CHDH: variants seen among roughly 807,000 people sequenced by gnomAD.
CHDH encodes choline dehydrogenase.
Under a neutral mutation model 56.9 loss-of-function variants are expected in CHDH, and 43 were observed. The ratio of observed to expected loss-of-function variants is 0.76; its 90% CI spans 0.59 to 0.97. The LOEUF (loss-of-function observed/expected upper bound fraction) is 0.97. CHDH is among the 50% of genes least tolerant of loss of function. The pLI is 0.00. For synonymous variants in CHDH, 364 were observed against 348.5 expected (o/e 1.04, Z -0.50); for missense variants, 816 against 821.1 (o/e 0.99, Z 0.08).
At chr3:53,840,566 C>T (rs1477286294) in intron 2 of CHDH, among the ~76,000 whole-genome samples, 1 of 152,018 alleles carries the variant, frequency 6.6e-6, no homozygotes, top group Admixed American at 6.6e-5. Flanking sequence ...TACAATCACC[C>T]TAGGGATTAG....
chr3:53,817,933 G>A lies in CHDH; in HGVS notation c.1629C>T (p.Val543=), dbSNP rs758050811. The A allele has an allele frequency of 1.2e-5, 19 of 1,614,098 alleles. No homozygotes were observed. The highest frequency in any genetic ancestry group is 6.6e-5 in the South Asian group (6 of 91,096). ...CCATGCTAGGCATGATGGAGGCATCGACGACCCTGAGGTTTTCCACCCCGA... is the reference window on the plus strand; with the variant it reads ...CCATGCTAGGCATGATGGAGGCATCAACGACCCTGAGGTTTTCCACCCCGA... ...RVLGVENLRV[V]DASIMPSMVS... Residue 543 remains valine, a synonymous_variant, in exon 9 of 9, where the codon GTC becomes GTT. Coordinates refer to ENST00000315251, the MANE Select transcript of CHDH (RefSeq NM_018397.5).
At chr3:53,839,250 T>C (rs1212508169) in intron 2 of CHDH, among the ~76,000 whole-genome samples, 2 of 152,230 alleles carry the variant, frequency 1.3e-5, no homozygotes, top group Non-Finnish European at 2.9e-5. Context: ...AACCTGAATC[T>C]GATCACACTT....
rs756331675 is a variant in CHDH at position 53,820,603 on chromosome 3, C to A, written c.991G>T (p.Gly331Cys). 5.6e-6 allele frequency: 9 copies of A among 1,609,562 alleles called. No homozygotes were observed. Among genetic ancestry groups the A allele is most frequent in the Non-Finnish European group, 6.8e-6 (8 of 1,178,030 alleles). ...IPVVCHLPGV[G>C]QNLQDHLEIY... Reference sequence around the variant, plus strand: ...TCCAGGTGGTCTTGCAGGTTCTGGCCAACCCCTGATACGGGAAGGAGTGGT... The same window carrying A: ...TCCAGGTGGTCTTGCAGGTTCTGGCAAACCCCTGATACGGGAAGGAGTGGT... Residue 331 changes from glycine (G) to cysteine (C), a missense_variant, in exon 6 of 9, where the codon GGC becomes TGC. Gly to Cys is a radical substitution (Grantham distance 159). Transcript: ENST00000315251.
In CHDH at chr3:53,840,921, A is replaced by G. The variant is rs1052372345; in HGVS notation, c.-60+8T>C. ...ATCTTTTTGAAATCTCAGTTAAAAA[A>G]TACCCACCTCACATCCAGAAGTGAC... On this transcript the variant is annotated splice_region_variant and intron_variant, in intron 2 of 8. Transcript: ENST00000315251. 2 of 152,200 alleles carry G rather than the reference A, an allele frequency of 1.3e-5. No homozygotes were observed. Among genetic ancestry groups the G allele is most frequent in the Admixed American group, 1.3e-4 (2 of 15,280 alleles). 9.4% of individuals were successfully genotyped at this position (152,200 alleles called of 1,614,324 possible).
intron 2 of CHDH, among the ~76,000 whole-genome samples, chr3:53,826,623 T>G (rs1035073011): frequency 6.7e-6 from 1 of 149,564 alleles, no homozygotes; most frequent in East Asian, 2.0e-4. Flanking sequence ...GTAAAGAATA[T>G]CTACAAAAAC....
intron 1 of CHDH, 68 bp downstream of exon 1, chr3:53,846,015 G>A (rs1483170328): frequency 6.6e-6 from 1 of 152,264 alleles, no homozygotes; most frequent in South Asian, 2.1e-4. Flanking sequence ...CCGGCCCCCA[G>A]GCCTCTCCGG....
intron 5 of CHDH, 38 bp downstream of exon 5, chr3:53,821,609 G>A: frequency 6.3e-7 from 1 of 1,595,496 alleles, no homozygotes. Context: ...TTGTTGAGCA[G>A]AGACAGCCTC....
Position 53,846,410 on chromosome 3 carries a change from A to T in CHDH, c.-458T>A. 1 of 586,586 alleles carries T rather than the reference A, an allele frequency of 1.7e-6. No homozygotes were observed. Among genetic ancestry groups the T allele is most frequent in the Non-Finnish European group, 2.8e-6 (1 of 359,698 alleles). The allele number at this position is 586,586 out of a possible 1,614,324, so 36.3% of individuals were successfully genotyped here. A position where few individuals can be genotyped will look rare whatever the true frequency, so the allele number is the denominator to read the frequency against. ...GACACGGCCCATCCCTCCGAGCCCC[A>T]GCAGGCGAGGGCGCTGCGACCTGCC... On this transcript the variant is annotated 5_prime_UTR_variant, in exon 1 of 9. Coordinates refer to ENST00000315251, the MANE Select transcript of CHDH (RefSeq NM_018397.5).
At position 53,834,728 on chromosome 3, in the gene CHDH, G is replaced by A. The variant is rs114291628; in HGVS notation, c.-60+6201C>T. On this transcript the variant is annotated intron_variant, in intron 2 of 8. Coordinates refer to ENST00000315251, the MANE Select transcript of CHDH (RefSeq NM_018397.5). Reference sequence around the variant, plus strand: ...AGGAAGCTTCCTGAAAGGGCCCTTCGCACAGGCCTCCCAGCAGCACTTTCT... The same window carrying A: ...AGGAAGCTTCCTGAAAGGGCCCTTCACACAGGCCTCCCAGCAGCACTTTCT... Among the ~76,000 whole-genome samples, 1,069 of 152,294 alleles carry A rather than the reference G, an allele frequency of 7.0e-3. 16 individuals carry two copies. The highest frequency in any genetic ancestry group is 0.025 in the African/African-American group (1,046 of 41,544).
chr3:53,839,093 G>A (rs2106984108), intron 2 of CHDH, among the ~76,000 whole-genome samples: 1 of 152,318 alleles, frequency 6.6e-6, no homozygotes, highest in African/African-American at 2.4e-5. Flanking sequence ...AGGAGAAAAA[G>A]ATATGGGCGA....
At position 53,833,385 on chromosome 3, in the gene CHDH, T is replaced by A. The variant is rs149488595; in HGVS notation, c.-60+7544A>T. ...GAGGGGCCTGCTACCCAAAGGGAAC[T>A]CCTTGAGGACAGGGACTCCTAAGCT... On this transcript the variant is annotated intron_variant, in intron 2 of 8. Transcript: ENST00000315251. 6.6e-3 allele frequency among the ~76,000 whole-genome samples: 1,007 copies of A among 152,294 alleles called. 13 individuals are homozygous for A. The highest frequency in any genetic ancestry group is 0.023 in the African/African-American group (964 of 41,570).
At position 53,822,534 on chromosome 3, in the gene CHDH, C is replaced by G. The variant is rs199725115; in HGVS notation, c.812G>C (p.Arg271Pro). 1.4e-5 allele frequency: 23 copies of G among 1,613,522 alleles called. No homozygotes were observed. The highest frequency in any genetic ancestry group is 2.7e-5 in the African/African-American group (2 of 74,942). ...CTTGACATACTCCACGCCCACTGCA[C>G]GGGTGCCCTCAAATAGCACCCTGCT... is the stretch of plus-strand genomic sequence containing the variant. ...LVSRVLFEGT[R>P]AVGVEYVKNG... Residue 271 changes from arginine (R) to proline (P), a missense_variant, in exon 4 of 9, where the codon CGT becomes CCT. Arg to Pro is a moderately radical substitution (Grantham distance 103). Coordinates refer to ENST00000315251, the MANE Select transcript of CHDH (RefSeq NM_018397.5).
chr3:53,842,268 A>G (rs1698694799), intron 1 of CHDH, among the ~76,000 whole-genome samples: 2 of 152,176 alleles, frequency 1.3e-5, no homozygotes, highest in Admixed American at 6.5e-5. Flanking sequence ...TCCTCCATAA[A>G]GTGTGGAATG....
intron 2 of CHDH, among the ~76,000 whole-genome samples, chr3:53,837,349 C>T (rs1698527279): frequency 6.6e-6 from 1 of 152,224 alleles, no homozygotes; most frequent in South Asian, 2.1e-4. Flanking sequence ...ACCACTTGGC[C>T]CCTTGTGCCC....
At chr3:53,842,726 T>C (rs955929464) in intron 1 of CHDH, among the ~76,000 whole-genome samples, 4 of 152,192 alleles carry the variant, frequency 2.6e-5, no homozygotes, top group Non-Finnish European at 5.9e-5. Flanking sequence ...AAATGTGTTT[T>C]GTAGCCCTGC....
chr3:53,822,779 G>T, intron 3 of CHDH, 137 bp from the exon 4 acceptor site: 1 of 1,172,062 alleles, frequency 8.5e-7, no homozygotes, highest in Middle Eastern at 3.0e-4. Context: ...AAGCTGAGAC[G>T]GAAAGACCCT....
intron 2 of CHDH, among the ~76,000 whole-genome samples, chr3:53,831,157 C>A (rs920002526): frequency 6.6e-6 from 1 of 152,270 alleles, no homozygotes; most frequent in East Asian, 1.9e-4. Flanking sequence ...CTGTGGTGGT[C>A]GCCATGGTGT....
At position 53,813,129 on chromosome 3, in the gene CHDH, A is replaced by ATTTTTTTTTTTTTTTTTTTTTTTTTTTTT. The variant is rs59630779; in HGVS notation, c.*4647_*4648insAAAAAAAAAAAAAAAAAAAAAAAAAAAAA. The ATTTTTTTTTTTTTTTTTTTTTTTTTTTTT allele has an allele frequency of 8.5e-6, 1 of 118,120 alleles. No homozygotes were observed. The allele number at this position is 118,120 out of a possible 1,614,324, so 7.3% of individuals were successfully genotyped here. ...TTAATAGTATACAGACAACCTGTTA[A>ATTTTTTTTTTTTTTTTTTTTTTTTTTTTT]TTTTTTTTTTTTTTTTTTTTTTTGT... On this transcript the variant is annotated 3_prime_UTR_variant, in exon 9 of 9. Transcript: ENST00000315251.
At chr3:53,842,434 C>T (rs1698701622) in intron 1 of CHDH, among the ~76,000 whole-genome samples, 1 of 152,228 alleles carries the variant, frequency 6.6e-6, no homozygotes, top group Non-Finnish European at 1.5e-5. Context: ...AGGCTAACTT[C>T]ATCACCCCTG....
Sources: allele counts gnomAD v4.1 joint callset (sites outside exome capture counted in the v4.1 genomes callset), GRCh38; gene constraint gnomAD v4.1.1; transcripts MANE v1.5; gene names NCBI Gene and HGNC (gene_info 2026-07-23, HGNC 2026-07-21).